The following KLK12 variants were observed in gnomAD, a reference collection of about 807,000 sequenced individuals.
KLK12 encodes the protein kallikrein related peptidase 12, also known as kallikrein-12.
KLK12 carries 23 observed loss-of-function variants against 20.0 expected under a neutral mutation model. The observed-to-expected ratio is 1.15, with a 90% CI of 0.83 to 1.63. The LOEUF (loss-of-function observed/expected upper bound fraction) is 1.63, where lower values mean the gene tolerates loss of function less well. Ranked by LOEUF, KLK12 falls within the 40% of genes most tolerant of loss-of-function variation. KLK12 has a pLI of 0.00. For missense variants in KLK12, 351 were observed against 338.6 expected (o/e 1.04, Z -0.29); for synonymous variants, 147 against 141.9 (o/e 1.04, Z -0.25).
Position 51,034,959 on chromosome 19 carries a change from C to T in KLK12, c.-173G>A, listed in dbSNP as rs556512242. On this transcript the variant is annotated 5_prime_UTR_variant, in exon 1 of 6. It adds an upstream start codon to the 5' untranslated region. Transcript: ENST00000684732. ...CACTCTGCACCTGGCTCCTCAGCCA[C>T]CTGTCATGTTGCTCAACCGGTCCCT... The T allele has an allele frequency of 2.1e-5, 25 of 1,215,812 alleles. No homozygotes were observed. The South Asian group carries it at 3.9e-4, about 19-fold the overall frequency. The allele number at this position is 1,215,812 out of a possible 1,614,324, so 75.3% of individuals were successfully genotyped here.
At chr19:51,034,340 A>G in intron 2 of KLK12, 1 of 1,204,242 alleles carries the variant, frequency 8.3e-7, no homozygotes, top group South Asian at 1.6e-5. Context: ...GCTTACACAT[A>G]GGAGGGAAAT....
At chr19:51,031,469 G>T (rs1415893785) in intron 4 of KLK12, among the ~76,000 whole-genome samples, 1 of 151,842 alleles carries the variant, frequency 6.6e-6, no homozygotes, top group East Asian at 1.9e-4. Context: ...TGTGATTTTG[G>T]ATAGAATCCC....
rs192221907 is a variant in KLK12, at chr19:51,034,701, T to C, written c.-19-61A>G. 1.2e-4 allele frequency: 186 copies of C among 1,559,434 alleles called. 3 individuals carry two copies. In the South Asian group the frequency reaches 1.5e-3, roughly 13 times the overall value. On this transcript the variant is annotated intron_variant, in intron 1 of 5. Transcript: ENST00000684732. Reference sequence around the variant, plus strand: ...CCCTGTGCCCCCCACCTCTGCCCTCTCTGCTTCTCTTTGAAGGTCACCAAG... The same window carrying C: ...CCCTGTGCCCCCCACCTCTGCCCTCCCTGCTTCTCTTTGAAGGTCACCAAG...
At chr19:51,034,281 A>G (rs1355257979) in intron 2 of KLK12, 142 bp from the exon 3 acceptor site, 4 of 1,188,176 alleles carry the variant, frequency 3.4e-6, no homozygotes, top group East Asian at 2.6e-5. Flanking sequence ...AGAGAGACCC[A>G]GTGATAGAAA....
intron 4 of KLK12, among the ~76,000 whole-genome samples, chr19:51,031,272 T>C (rs2091554561): frequency 6.6e-6 from 1 of 152,086 alleles, no homozygotes; most frequent in Non-Finnish European, 1.5e-5. Context: ...CAGCTTGATC[T>C]CATATCTTCT....
chr19:51,029,419 A>C lies in KLK12; in HGVS notation c.630T>G (p.Leu210=). The C allele has an allele frequency of 2.5e-6, 4 of 1,613,746 alleles. No individual in the cohort carries two copies. The highest frequency in any genetic ancestry group is 3.4e-6 in the Non-Finnish European group (4 of 1,179,652). The part of the protein sequence containing the change: ...SGGPLVCGGV[L]QGLVSWGSVG... ...CAGACCCCCAGGACACCAGACCTTGAAGGACTCCCCCACACACCAGGGGGC... is the reference window on the plus strand; with the variant it reads ...CAGACCCCCAGGACACCAGACCTTGCAGGACTCCCCCACACACCAGGGGGC... The change falls in exon 6 of 6, where the codon CTT becomes CTG. Residue 210 remains leucine, a synonymous_variant. Transcript: ENST00000684732.
At position 51,029,121 on chromosome 19, in the gene KLK12, C is replaced by T. The variant is rs1490486638; in HGVS notation, c.*181G>A. 2 of 1,605,738 alleles carry T rather than the reference C, an allele frequency of 1.2e-6. No homozygotes were observed. Among genetic ancestry groups the T allele is most frequent in the African/African-American group, 1.3e-5 (1 of 74,792 alleles). On this transcript the variant is annotated 3_prime_UTR_variant, in exon 6 of 6. Transcript: ENST00000684732. ...CTCCTTCATTTATATTTATTCCAGA[C>T]TATTGCACACTTCTCTCACCCCGCT...
intron 3 of KLK12, among the ~76,000 whole-genome samples, chr19:51,033,553 C>T (rs1466174328): frequency 2.0e-5 from 3 of 152,076 alleles, no homozygotes; most frequent in Admixed American, 6.5e-5. Context: ...GAGGCAGAGA[C>T]AGCAGTGAGC....
At chr19:51,031,175 A>G (rs1289538836) in intron 4 of KLK12, among the ~76,000 whole-genome samples, 2 of 152,196 alleles carry the variant, frequency 1.3e-5, no homozygotes, top group African/African-American at 2.4e-5. Context: ...TTGTCTCTCC[A>G]GCGTCAGAGA....
At chr19:51,034,251 C>T (rs1020550448) in intron 2 of KLK12, 112 bp from the exon 3 acceptor site, 62 of 1,310,434 alleles carry the variant, frequency 4.7e-5, no homozygotes, top group African/African-American at 5.9e-5. Context: ...GAAAGAGAGA[C>T]GAGAAAGAGA....
At chr19:51,032,278 G>T in intron 3 of KLK12, 143 bp from the exon 4 acceptor site, 1 of 979,708 alleles carries the variant, frequency 1.0e-6, no homozygotes, top group Non-Finnish European at 1.5e-6. Flanking sequence ...CATTCTCCGA[G>T]TCTCTCTTAC....
intron 5 of KLK12, among the ~76,000 whole-genome samples, chr19:51,030,320 CATTATTATTATT>C (rs143678001): frequency 1.5e-5 from 2 of 134,688 alleles, no homozygotes; most frequent in Non-Finnish European, 1.6e-5. Context: ...GCCTCTCCTC[CATTATTATTATT>C]ATTATTATTA....
intron 3 of KLK12, among the ~76,000 whole-genome samples, chr19:51,033,337 C>T (rs1026375676): frequency 1.3e-5 from 2 of 152,020 alleles, no homozygotes; most frequent in Non-Finnish European, 2.9e-5. Context: ...TCATGTTGGC[C>T]GGGTGCAGTG....
chr19:51,034,623 G>A lies in KLK12; in HGVS notation c.-2C>T, dbSNP rs1279502742. 4 of 1,607,324 alleles carry A rather than the reference G, an allele frequency of 2.5e-6. No individual in the cohort carries two copies. In the South Asian group the frequency reaches 3.3e-5, roughly 13 times the overall value. On this transcript the variant is annotated 5_prime_UTR_variant, in exon 2 of 6. Transcript: ENST00000684732. The stretch of plus-strand genomic sequence containing the variant: ...GAGCAAAAAGATGCTGAGCCCCATG[G>A]TGGGTCACTTCCAAAGTCTGGGGGA...
chr19:51,029,513 C>T, intron 5 of KLK12, 56 bp from the exon 6 acceptor site: 1 of 1,436,650 alleles, frequency 7.0e-7, no homozygotes, highest in South Asian at 1.1e-5. Context: ...TTCTGTTTTC[C>T]TCCCCAACCC....
At chr19:51,030,687 C>T (rs1230956672) in intron 5 of KLK12, 101 bp downstream of exon 5, 4 of 1,503,646 alleles carry the variant, frequency 2.7e-6, no homozygotes, top group Non-Finnish European at 3.7e-6. Flanking sequence ...CTGCAGCATC[C>T]CCTTTCCCTG....
chr19:51,034,372 G>T, intron 2 of KLK12: 1 of 1,332,570 alleles, frequency 7.5e-7, no homozygotes. Flanking sequence ...GATTCAGAGA[G>T]GGACAGAAGG....
intron 4 of KLK12, 102 bp from the exon 5 acceptor site, chr19:51,031,023 C>A (rs756974327): frequency 1.5e-5 from 20 of 1,338,470 alleles, no homozygotes; most frequent in Non-Finnish European, 1.7e-5. Flanking sequence ...ATACCCCTGC[C>A]CCTCACCGAC....
chr19:51,031,604 A>ATATATATATATC (rs2091558361), intron 4 of KLK12, among the ~76,000 whole-genome samples: 1 of 148,184 alleles, frequency 6.7e-6, no homozygotes. Context: ...ACATATATAT[A>ATATATATATATC]TATATATGCC....
Sources: allele counts gnomAD v4.1 joint callset (sites outside exome capture counted in the v4.1 genomes callset), GRCh38; gene constraint gnomAD v4.1.1; transcripts MANE v1.5; gene names NCBI Gene and HGNC (gene_info 2026-07-23, HGNC 2026-07-21).